SCOC: variants seen among roughly 807,000 people sequenced by gnomAD.
The protein encoded by SCOC is short coiled-coil protein, also known as short coiled coil protein.
In SCOC, 7 loss-of-function variants were observed where a neutral mutation model predicts 9.9. The observed-to-expected ratio is 0.71, with a 90% CI of 0.40 to 1.33. SCOC has a LOEUF of 1.33. Ranked by LOEUF, SCOC falls within the 40% of genes most tolerant of loss-of-function variation. SCOC has a pLI of 0.01. For synonymous variants in SCOC, 19 were observed against 28.2 expected (o/e 0.67, Z 1.03); for missense variants, 66 against 89.7 (o/e 0.74, Z 1.07).
chr4:140,267,248 T>A (rs6536830), intron 1 of SCOC, among the ~76,000 whole-genome samples: 2 of 152,004 alleles, frequency 1.3e-5, no homozygotes, highest in Non-Finnish European at 2.9e-5. Flanking sequence ...GGTTGACTGA[T>A]GCTGGAGATT....
intron 2 of SCOC, among the ~76,000 whole-genome samples, chr4:140,358,976 C>T (rs1279496754): frequency 6.6e-6 from 1 of 152,202 alleles, no homozygotes; most frequent in East Asian, 1.9e-4. Context: ...CAGGATTTAA[C>T]ATGTATATAA....
At chr4:140,311,150 C>T (rs1050021448) in intron 1 of SCOC, among the ~76,000 whole-genome samples, 15 of 152,248 alleles carry the variant, frequency 9.9e-5, no homozygotes, top group Admixed American at 5.2e-4. Context: ...GTGGGAGGAC[C>T]ACTTGAGCCC....
At chr4:140,262,963 C>A (rs776491764) in intron 1 of SCOC, among the ~76,000 whole-genome samples, 11 of 152,058 alleles carry the variant, frequency 7.2e-5, no homozygotes, top group Non-Finnish European at 1.2e-4. Context: ...CCTGCCAGGC[C>A]CCCCCTCCAA....
In SCOC at chr4:140,366,235, CT is replaced by C; in HGVS notation, c.71-12883del. 6.8e-6 allele frequency: 5 copies of C among 737,446 alleles called. 1 individual carries two copies. The highest frequency in any genetic ancestry group is 8.7e-6 in the Non-Finnish European group (5 of 573,520). The allele number at this position is 737,446 out of a possible 1,614,324, so 45.7% of individuals were successfully genotyped here. A position where few individuals can be genotyped will look rare whatever the true frequency, so the allele number is the denominator to read the frequency against. On this transcript the variant is annotated intron_variant, in intron 2 of 4. Transcript: ENST00000338517. Reference sequence around the variant, plus strand: ...ACTTTTATTACTTTTCTAATCACCTCTTTCTTGCCAAACGCTTTTGGAGCAG... The same window carrying C: ...ACTTTTATTACTTTTCTAATCACCTCTTCTTGCCAAACGCTTTTGGAGCAG...
chr4:140,320,047 C>T (rs941304017), intron 1 of SCOC, among the ~76,000 whole-genome samples: 9 of 152,214 alleles, frequency 5.9e-5, no homozygotes, highest in Non-Finnish European at 1.2e-4. Flanking sequence ...CTGAGACCTA[C>T]TGGGCTGTGT....
chr4:140,291,592 A>C (rs1731473868), intron 1 of SCOC: 34 of 447,188 alleles, frequency 7.6e-5, no homozygotes, highest in South Asian at 5.3e-4. Flanking sequence ...ATTATAATCA[A>C]TATCCTTTCT....
At chr4:140,315,533 A>G (rs890152043) in intron 1 of SCOC, among the ~76,000 whole-genome samples, 3 of 152,204 alleles carry the variant, frequency 2.0e-5, no homozygotes, top group Non-Finnish European at 4.4e-5. Context: ...TGAAAAACAC[A>G]TCTCATCCAA....
At chr4:140,281,867 C>A (rs1338728791) in intron 1 of SCOC, among the ~76,000 whole-genome samples, 1 of 152,182 alleles carries the variant, frequency 6.6e-6, no homozygotes, top group Non-Finnish European at 1.5e-5. Context: ...AGCCTCTGAC[C>A]TTAGTTATCC....
At chr4:140,323,364 C>A (rs1732555560) in intron 1 of SCOC, among the ~76,000 whole-genome samples, 1 of 152,200 alleles carries the variant, frequency 6.6e-6, no homozygotes, top group African/African-American at 2.4e-5. Flanking sequence ...GTACAGCCTG[C>A]AGAATAGTGA....
chr4:140,321,593 ATAAT>A (rs1732501625), intron 1 of SCOC, among the ~76,000 whole-genome samples: 1 of 152,240 alleles, frequency 6.6e-6, no homozygotes, highest in Non-Finnish European at 1.5e-5. Flanking sequence ...AGTCAAGGAA[ATAAT>A]TAATGAAGTG....
upstream of SCOC, among the ~76,000 whole-genome samples, chr4:140,342,404 T>C (rs950587858): frequency 3.3e-5 from 5 of 152,204 alleles, no homozygotes; most frequent in African/African-American, 1.2e-4. Context: ...AGCTTATTAA[T>C]AGCAAATAAA....
chr4:140,351,967 T>G (rs544699082), intron 2 of SCOC, among the ~76,000 whole-genome samples: 95 of 152,330 alleles, frequency 6.2e-4, no homozygotes, highest in African/African-American at 2.3e-3. Context: ...TGCTCCCAAG[T>G]GTCTGCCAAG....
intron 1 of SCOC, among the ~76,000 whole-genome samples, chr4:140,326,568 A>G (rs551517017): frequency 5.8e-4 from 89 of 152,322 alleles, no homozygotes; most frequent in African/African-American, 2.0e-3. Flanking sequence ...GCTCCTGAAA[A>G]GCAAGGCCTG....
chr4:140,352,269 C>T (rs1040557924), intron 2 of SCOC, among the ~76,000 whole-genome samples: 2 of 152,130 alleles, frequency 1.3e-5, no homozygotes, highest in African/African-American at 4.8e-5. Flanking sequence ...TGAAATCAAA[C>T]AAGTATGTTA....
intron 1 of SCOC, among the ~76,000 whole-genome samples, chr4:140,306,754 C>T (rs1451068178): frequency 7.2e-6 from 1 of 138,768 alleles, no homozygotes; most frequent in Non-Finnish European, 1.5e-5. Context: ...GCCAGCTGGT[C>T]AGGACCCCTA....
At chr4:140,365,774 T>G (rs76119850) in intron 2 of SCOC, among the ~76,000 whole-genome samples, 188 of 152,364 alleles carry the variant, frequency 1.2e-3, no homozygotes, top group African/African-American at 4.3e-3. Context: ...TCTTACTTTC[T>G]TAATAACATT....
At chr4:140,373,845 C>A in intron 1 of SCOC, 128 bp downstream of exon 1, 2 of 1,028,188 alleles carry the variant, frequency 1.9e-6, no homozygotes, top group Non-Finnish European at 2.9e-6. Flanking sequence ...CCGGGAGGAG[C>A]GGTCTCGGGC....
At chr4:140,336,247 G>C (rs934734326) in intron 1 of SCOC, among the ~76,000 whole-genome samples, 1 of 151,830 alleles carries the variant, frequency 6.6e-6, no homozygotes, top group Non-Finnish European at 1.5e-5. Flanking sequence ...TATAAACTTA[G>C]CCATTATAAA....
intron 2 of SCOC, among the ~76,000 whole-genome samples, chr4:140,358,966 C>T (rs937522963): frequency 4.6e-5 from 7 of 152,112 alleles, no homozygotes; most frequent in African/African-American, 1.7e-4. Flanking sequence ...GCAATTCCAC[C>T]AGGATTTAAC....
Sources: gnomAD v4.1 joint callset for allele counts (sites outside exome capture counted in the v4.1 genomes callset) on GRCh38, gnomAD v4.1.1 for gene constraint, MANE v1.5 for transcripts, NCBI Gene and HGNC (gene_info 2026-07-23, HGNC 2026-07-21) for gene names.